CLPB: variants seen among roughly 807,000 people sequenced by gnomAD.
CLPB encodes mitochondrial disaggregase.
A neutral mutation model predicts 78.4 loss-of-function variants in CLPB; 40 were observed. The ratio of observed to expected loss-of-function variants is 0.51; its 90% CI spans 0.40 to 0.66. The LOEUF (loss-of-function observed/expected upper bound fraction) is 0.66. Ranked by LOEUF, CLPB falls within the 30% of genes least tolerant of loss-of-function variation. CLPB has a pLI of 0.00. For missense variants in CLPB, 780 were observed against 886.9 expected (o/e 0.88, Z 1.53); for synonymous variants, 333 against 348.0 (o/e 0.96, Z 0.48).
intron 5 of CLPB, among the ~76,000 whole-genome samples, chr11:72,342,583 C>G (rs1393783510): frequency 6.6e-6 from 1 of 152,138 alleles, no homozygotes; most frequent in Non-Finnish European, 1.5e-5. Flanking sequence ...GAGGTGGCAG[C>G]AGGTTCTATG....
At position 72,294,121 on chromosome 11, in the gene CLPB, C is replaced by A; in HGVS notation, c.1686G>T (p.Lys562Asn). The change falls in exon 15 of 16, where the codon AAG becomes AAT. Residue 562 changes from lysine (K) to asparagine (N), a missense_variant. Physicochemically the swap from Lys to Asn is moderately conservative, Grantham distance 94. Coordinates refer to ENST00000538039, the MANE Select transcript of CLPB (RefSeq NM_001258392.3). ...AGAGCAGCGTGATGTTGTGCCTTTG[C>A]TTGGCCTGAGATGGGTCAGATAGAA... is the stretch of plus-strand genomic sequence containing the variant. ...KELNFWAKRA[K>N]QRHNITLLWD... is the part of the protein sequence containing the mutation. The A allele has an allele frequency of 6.2e-7, 1 of 1,614,060 alleles. No homozygotes were observed.
At chr11:72,412,156 G>C (rs1308326531) in intron 2 of CLPB, 1 of 152,324 alleles carries the variant, frequency 6.6e-6, no homozygotes, top group Non-Finnish European at 1.5e-5. Flanking sequence ...TTCAGGCAGG[G>C]TCTTGGTGCT....
chr11:72,433,496 C>T (rs1856606644), intron 1 of CLPB, among the ~76,000 whole-genome samples: 1 of 151,552 alleles, frequency 6.6e-6, no homozygotes, highest in Non-Finnish European at 1.5e-5. Context: ...GCCGAGATTG[C>T]GCCACTGCAC....
intron 11 of CLPB, among the ~76,000 whole-genome samples, chr11:72,299,820 G>A (rs977629550): frequency 6.6e-6 from 1 of 152,190 alleles, no homozygotes; most frequent in Non-Finnish European, 1.5e-5. Flanking sequence ...GGGGGAAGGG[G>A]CGACAACAGC....
intron 3 of CLPB, among the ~76,000 whole-genome samples, chr11:72,383,762 T>A (rs964625789): frequency 3.9e-5 from 6 of 151,964 alleles, no homozygotes; most frequent in Admixed American, 3.3e-4. Flanking sequence ...CAAGGAAAGA[T>A]AAAGACTTTC....
intron 1 of CLPB, among the ~76,000 whole-genome samples, chr11:72,431,972 T>A (rs1388288033): frequency 1.3e-5 from 2 of 152,188 alleles, no homozygotes; most frequent in Non-Finnish European, 2.9e-5. Context: ...CAGGAACTTC[T>A]TAGGCAAGAC....
intron 15 of CLPB, 54 bp from the exon 16 acceptor site, chr11:72,293,669 G>A (rs1458051863): frequency 1.3e-6 from 2 of 1,564,762 alleles, no homozygotes; most frequent in East Asian, 2.3e-5. Context: ...CAGCTTGGAG[G>A]TCGGCCTCCA....
chr11:72,434,095 T>C lies in CLPB; in HGVS notation c.380A>G (p.Tyr127Cys). ...ACCCTTGTTGGACGGACTCTTGCTG[T>C]AGCAATGAACCACCAGCGCTGCGGC... is the stretch of plus-strand genomic sequence containing the variant. The part of the protein sequence containing the change: ...ALAAALVVHC[Y>C]SKSPSNKDAA... The change falls in exon 1 of 16, where the codon TAC becomes TGC. Residue 127 changes from tyrosine (Y) to cysteine (C), a missense_variant. Transcript: ENST00000538039. 1.9e-6 allele frequency: 3 copies of C among 1,611,444 alleles called. No individual in the cohort carries two copies. Among genetic ancestry groups the C allele is most frequent in the Non-Finnish European group, 2.5e-6 (3 of 1,179,996 alleles).
At chr11:72,323,110 G>C (rs1308652940) in intron 6 of CLPB, among the ~76,000 whole-genome samples, 1 of 152,174 alleles carries the variant, frequency 6.6e-6, no homozygotes, top group Non-Finnish European at 1.5e-5. Context: ...CTATCTGTTA[G>C]AAGTATTAAT....
At position 72,423,761 on chromosome 11, in the gene CLPB, T is replaced by C. The variant is rs572207841; in HGVS notation, c.455+6551A>G. Among the ~76,000 whole-genome samples, 50 of 152,228 alleles carry C rather than the reference T, an allele frequency of 3.3e-4. 1 individual carries two copies. Among genetic ancestry groups the C allele is most frequent in the Non-Finnish European group, 3.2e-4 (22 of 68,038 alleles). On this transcript the variant is annotated intron_variant, in intron 2 of 15. Transcript: ENST00000538039. ...AGGACAAAAATAAAAACTGTTAATA[T>C]GGCCTACAGACCCAGTGTGGTATGG...
At chr11:72,408,329 G>A (rs1855770721) in intron 2 of CLPB, 2 of 728,184 alleles carry the variant, frequency 2.7e-6, no homozygotes, top group East Asian at 2.8e-5. Context: ...GTGGTCGTAA[G>A]GATTAAAACA....
chr11:72,349,453 G>T (rs1950573796), intron 5 of CLPB, among the ~76,000 whole-genome samples: 1 of 152,206 alleles, frequency 6.6e-6, no homozygotes, highest in South Asian at 2.1e-4. Flanking sequence ...CTTGGATACT[G>T]CCTGGCTTCT....
At position 72,286,693 on chromosome 11, in the gene CLPB, C is replaced by T. The variant is rs1041483156; in HGVS notation, c.*6674G>A. On this transcript the variant is annotated 3_prime_UTR_variant, in exon 16 of 16. Coordinates refer to ENST00000538039, the MANE Select transcript of CLPB (RefSeq NM_001258392.3). ...TTCACCATGTTGTCCAGGCTGGTCTCGAACTCCAGACCTAGGTGATCCACC... is the reference window on the plus strand; with the variant it reads ...TTCACCATGTTGTCCAGGCTGGTCTTGAACTCCAGACCTAGGTGATCCACC... 10 of 152,090 alleles carry T rather than the reference C, an allele frequency of 6.6e-5. No homozygotes were observed. The highest frequency in any genetic ancestry group is 1.9e-4 in the East Asian group (1 of 5,190). 9.4% of individuals were successfully genotyped at this position (152,090 alleles called of 1,614,324 possible).
chr11:72,330,706 T>C (rs996312706), intron 5 of CLPB, among the ~76,000 whole-genome samples: 2 of 152,210 alleles, frequency 1.3e-5, no homozygotes, highest in African/African-American at 4.8e-5. Context: ...GATCTGGCCC[T>C]GCCCTTTAGG....
At chr11:72,299,845 C>T (rs1949622769) in intron 11 of CLPB, among the ~76,000 whole-genome samples, 1 of 152,122 alleles carries the variant, frequency 6.6e-6, no homozygotes. Context: ...GGAAGGAATT[C>T]CTATCAACCC....
chr11:72,422,042 C>T (rs375628861), intron 2 of CLPB, among the ~76,000 whole-genome samples: 70 of 151,242 alleles, frequency 4.6e-4, no homozygotes, highest in African/African-American at 1.6e-3. Context: ...CCAAGGCGGG[C>T]GGATCACGAG....
At chr11:72,416,735 CAAAAAA>C (rs35655496) in intron 2 of CLPB, among the ~76,000 whole-genome samples, 1 of 50,658 alleles carries the variant, frequency 2.0e-5, no homozygotes. Flanking sequence ...GACTCCGTCT[CAAAAAA>C]AAAAAAAAAA....
chr11:72,372,190 G>A (rs1309710606), intron 4 of CLPB, among the ~76,000 whole-genome samples: 1 of 152,170 alleles, frequency 6.6e-6, no homozygotes, highest in East Asian at 1.9e-4. Flanking sequence ...CTCTTTGAGG[G>A]TTAATGGTTT....
chr11:72,334,017 C>T (rs1418611027), intron 5 of CLPB, among the ~76,000 whole-genome samples: 2 of 152,042 alleles, frequency 1.3e-5, no homozygotes, highest in Non-Finnish European at 2.9e-5. Flanking sequence ...AGAAGAGCTT[C>T]TGCTTTGGAT....
Sources: allele counts gnomAD v4.1 joint callset (sites outside exome capture counted in the v4.1 genomes callset), GRCh38; gene constraint gnomAD v4.1.1; transcripts MANE v1.5; gene names NCBI Gene and HGNC (gene_info 2026-07-23, HGNC 2026-07-21).